Variants in SMIM10L3 observed in about 807,000 individuals in gnomAD.
SMIM10L3 encodes the protein salivary gland specific protein SAGSIN1.
chr7:6,332,003 T>C, the SMIM10L3 span, among the ~76,000 whole-genome samples: 3 of 151,102 alleles, frequency 2.0e-5, no homozygotes, highest in Admixed American at 6.6e-5. Context: ...TCCCAGCTAG[T>C]TGGGAGGCTG....
the SMIM10L3 span, among the ~76,000 whole-genome samples, chr7:6,338,985 C>A: frequency 2.0e-5 from 3 of 152,150 alleles, no homozygotes; most frequent in East Asian, 5.8e-4. Context: ...GCTAGCACAC[C>A]TTAACTCACT....
At chr7:6,338,184 C>G in the SMIM10L3 span, among the ~76,000 whole-genome samples, 1 of 152,120 alleles carries the variant, frequency 6.6e-6, no homozygotes, top group African/African-American at 2.4e-5. Context: ...GACTGTTATA[C>G]ATATTACCTG....
the SMIM10L3 span, among the ~76,000 whole-genome samples, chr7:6,331,687 G>C: frequency 6.6e-6 from 1 of 150,696 alleles, no homozygotes; most frequent in Non-Finnish European, 1.5e-5. Flanking sequence ...GCCTAGTGGA[G>C]AACATTTCGT....
chr7:6,345,633 T>G, the SMIM10L3 span, among the ~76,000 whole-genome samples: 5 of 152,304 alleles, frequency 3.3e-5, no homozygotes, highest in Admixed American at 6.5e-5. Context: ...TAGCCATTCT[T>G]GTGATTTTTA....
chr7:6,334,045 A>C, the SMIM10L3 span, among the ~76,000 whole-genome samples: 4 of 150,448 alleles, frequency 2.7e-5, no homozygotes, highest in South Asian at 2.1e-4. Context: ...ATGGGGTTTC[A>C]CCATGTTAGC....
the SMIM10L3 span, among the ~76,000 whole-genome samples, chr7:6,344,733 T>A: frequency 3.3e-5 from 5 of 152,004 alleles, no homozygotes; most frequent in Non-Finnish European, 7.4e-5. Flanking sequence ...CAATTCTTTT[T>A]TTTAAATTTT....
the SMIM10L3 span, chr7:6,330,745 G>T: frequency 6.2e-7 from 1 of 1,614,136 alleles, no homozygotes. Flanking sequence ...GCCGTCAGTG[G>T]CCCTGGGCCC....
the SMIM10L3 span, chr7:6,331,121 G>C: frequency 1.2e-6 from 2 of 1,613,252 alleles, no homozygotes; most frequent in Non-Finnish European, 1.7e-6. Flanking sequence ...ACTTGTGCCA[G>C]GCAGGTGCCG....
At chr7:6,330,881 T>G in the SMIM10L3 span, 4 of 1,614,214 alleles carry the variant, frequency 2.5e-6, no homozygotes, top group Non-Finnish European at 3.4e-6. Flanking sequence ...GCTGGATTTC[T>G]TCTTACTGAT....
the SMIM10L3 span, among the ~76,000 whole-genome samples, chr7:6,332,972 A>C: frequency 4.6e-5 from 7 of 152,098 alleles, no homozygotes; most frequent in Non-Finnish European, 1.0e-4. Context: ...AAGCATGGTC[A>C]ACATGGTGAA....
At chr7:6,333,110 TC>T in the SMIM10L3 span, among the ~76,000 whole-genome samples, 825 of 144,086 alleles carry the variant, frequency 5.7e-3, 3 homozygotes, top group Admixed American at 0.016. Flanking sequence ...TGAGCCGAGA[TC>T]CCACCACTGC....
At chr7:6,348,892 G>A in the SMIM10L3 span, 12 of 387,858 alleles carry the variant, frequency 3.1e-5, 1 homozygote, top group Admixed American at 4.5e-5. Flanking sequence ...GGGCCGCAGT[G>A]GAGCGGAGTC....
chr7:6,330,554 C>G, the SMIM10L3 span: 1 of 1,614,162 alleles, frequency 6.2e-7, no homozygotes, highest in Non-Finnish European at 8.5e-7. Context: ...AGGAGCACTT[C>G]GGGATACACG....
At chr7:6,331,012 T>C in the SMIM10L3 span, 3 of 1,614,156 alleles carry the variant, frequency 1.9e-6, no homozygotes, top group African/African-American at 4.0e-5. Flanking sequence ...CACAGGCTTA[T>C]TCATCCAGGA....
chr7:6,330,163 G>A, the SMIM10L3 span: 8 of 573,694 alleles, frequency 1.4e-5, no homozygotes, highest in East Asian at 2.2e-4. Context: ...TTCTTTATAT[G>A]TCTTTTAAAG....
the SMIM10L3 span, among the ~76,000 whole-genome samples, chr7:6,345,764 G>C: frequency 6.6e-6 from 1 of 151,610 alleles, no homozygotes; most frequent in South Asian, 2.1e-4. Context: ...TTTTTTGGTG[G>C]TGGTTATTAT....
At chr7:6,342,590 G>A in the SMIM10L3 span, among the ~76,000 whole-genome samples, 9 of 152,174 alleles carry the variant, frequency 5.9e-5, no homozygotes, top group African/African-American at 1.9e-4. Flanking sequence ...ATATGATCCA[G>A]CAATTCTGCT....
At chr7:6,334,135 C>G in the SMIM10L3 span, among the ~76,000 whole-genome samples, 2 of 151,096 alleles carry the variant, frequency 1.3e-5, no homozygotes, top group African/African-American at 2.4e-5. Context: ...CGTGAGCCAC[C>G]GCACCCAGCC....
chr7:6,332,240 G>A, the SMIM10L3 span, among the ~76,000 whole-genome samples: 2 of 151,994 alleles, frequency 1.3e-5, no homozygotes, highest in Non-Finnish European at 2.9e-5. Flanking sequence ...TTGTCTCTGA[G>A]CTGCTTTACA....
Sources: allele counts gnomAD v4.1 joint callset (sites outside exome capture counted in the v4.1 genomes callset), GRCh38; gene constraint gnomAD v4.1.1; transcripts MANE v1.5; gene names NCBI Gene and HGNC (gene_info 2026-07-23, HGNC 2026-07-21).